Variants in CAST observed in about 807,000 individuals in gnomAD.
The protein encoded by CAST is MIR583 host.
CAST carries 76 observed loss-of-function variants against 119.6 expected under a neutral mutation model. That is an observed-to-expected ratio of 0.64 (90% CI 0.53 to 0.77). CAST has a LOEUF of 0.77. Ranked by LOEUF, CAST falls within the 30% of genes least tolerant of loss-of-function variation. The probability of loss-of-function intolerance (pLI) is 0.00; values close to 1 mark genes in which losing one functional copy is unlikely to be tolerated. For missense variants in CAST, 953 were observed against 946.5 expected (o/e 1.01, Z -0.09); for synonymous variants, 319 against 331.6 (o/e 0.96, Z 0.41).
chr5:96,565,366 C>T (rs1270244662), intron 1 of CAST, among the ~76,000 whole-genome samples: 1 of 152,080 alleles, frequency 6.6e-6, no homozygotes, highest in Non-Finnish European at 1.5e-5. Flanking sequence ...CGAAACATCA[C>T]ATTGTACCCA....
chr5:96,283,835 T>C, the CAST span, among the ~76,000 whole-genome samples: 2 of 152,248 alleles, frequency 1.3e-5, no homozygotes, highest in East Asian at 3.8e-4. Context: ...CTTTCTCAAA[T>C]GACTTCACAA....
chr5:96,190,875 C>T, the CAST span, among the ~76,000 whole-genome samples: 2 of 152,010 alleles, frequency 1.3e-5, no homozygotes, highest in Non-Finnish European at 2.9e-5. Context: ...AACCCTTGTC[C>T]CTTCCTTCCT....
intron 1 of CAST, among the ~76,000 whole-genome samples, chr5:96,563,463 T>TTA (rs1267062549): frequency 3.3e-5 from 5 of 152,138 alleles, no homozygotes; most frequent in Non-Finnish European, 4.4e-5. Flanking sequence ...CCATAAGTGC[T>TTA]TATATATATC....
chr5:96,245,302 A>G, the CAST span, among the ~76,000 whole-genome samples: 1 of 152,348 alleles, frequency 6.6e-6, no homozygotes, highest in East Asian at 1.9e-4. Flanking sequence ...AGCCAGAGAT[A>G]AATAACCACA....
At chr5:96,414,779 T>G in the CAST span, among the ~76,000 whole-genome samples, 1 of 152,236 alleles carries the variant, frequency 6.6e-6, no homozygotes, top group South Asian at 2.1e-4. Context: ...ATTCTTTTAC[T>G]AGCTAATTAC....
the CAST span, among the ~76,000 whole-genome samples, chr5:96,168,543 C>T: frequency 3.3e-5 from 5 of 152,142 alleles, no homozygotes; most frequent in African/African-American, 9.7e-5. Context: ...TGGAGCGGGG[C>T]AGAGCGGTAG....
At chr5:96,554,674 C>G (rs1746199557) in intron 1 of CAST, among the ~76,000 whole-genome samples, 1 of 152,084 alleles carries the variant, frequency 6.6e-6, no homozygotes, top group South Asian at 2.1e-4. Context: ...GGGCTAATAT[C>G]CAGAATCCAT....
intron 1 of CAST, among the ~76,000 whole-genome samples, chr5:96,656,000 G>A (rs929437763): frequency 6.6e-6 from 1 of 152,176 alleles, no homozygotes; most frequent in African/African-American, 2.4e-5. Flanking sequence ...CTAATTTTTA[G>A]TTTTTATTGT....
At chr5:96,217,204 A>AT in the CAST span, among the ~76,000 whole-genome samples, 527 of 97,016 alleles carry the variant, frequency 5.4e-3, 8 homozygotes, top group South Asian at 0.015. Flanking sequence ...ATGCTAGCTA[A>AT]TTTTTTTTTT....
At chr5:96,457,383 T>C in the CAST span, among the ~76,000 whole-genome samples, 1 of 152,192 alleles carries the variant, frequency 6.6e-6, no homozygotes, top group Admixed American at 6.5e-5. Flanking sequence ...TAATCCTCTT[T>C]AAAAAGGAGC....
At chr5:96,419,310 G>GAT in the CAST span, among the ~76,000 whole-genome samples, 4,326 of 142,132 alleles carry the variant, frequency 0.03, 158 homozygotes, top group African/African-American at 0.089. Flanking sequence ...TATTAAGTGA[G>GAT]ATATATATAT....
chr5:96,431,051 T>A, the CAST span, among the ~76,000 whole-genome samples: 1 of 152,198 alleles, frequency 6.6e-6, no homozygotes, highest in South Asian at 2.1e-4. Context: ...CGGTTACCAG[T>A]GCTATTTAGC....
chr5:96,459,342 T>C, the CAST span, among the ~76,000 whole-genome samples: 1 of 152,140 alleles, frequency 6.6e-6, no homozygotes, highest in Non-Finnish European at 1.5e-5. Context: ...TATATTGTAA[T>C]GTAGATCTCA....
the CAST span, among the ~76,000 whole-genome samples, chr5:96,081,691 G>A: frequency 6.6e-6 from 1 of 152,162 alleles, no homozygotes; most frequent in Non-Finnish European, 1.5e-5. Flanking sequence ...CAGAGAGATA[G>A]AGGGATCCCA....
chr5:96,507,151 C>T, the CAST span, among the ~76,000 whole-genome samples: 1 of 152,086 alleles, frequency 6.6e-6, no homozygotes, highest in Non-Finnish European at 1.5e-5. Flanking sequence ...CTCAAGTCAG[C>T]ACCCTCGGAA....
At chr5:96,655,401 C>A (rs973939940) in intron 1 of CAST, among the ~76,000 whole-genome samples, 2 of 152,178 alleles carry the variant, frequency 1.3e-5, no homozygotes, top group Non-Finnish European at 2.9e-5. Context: ...TAGACCCAGG[C>A]AAAGAGAAGC....
the CAST span, among the ~76,000 whole-genome samples, chr5:96,428,663 A>G: frequency 6.6e-6 from 1 of 152,214 alleles, no homozygotes; most frequent in East Asian, 1.9e-4. Context: ...CATTTGCCTC[A>G]TGAAGACATG....
chr5:96,657,388 T>C (rs1748179152), upstream of CAST, among the ~76,000 whole-genome samples: 1 of 152,124 alleles, frequency 6.6e-6, no homozygotes, highest in African/African-American at 2.4e-5. Flanking sequence ...TACCTATTAA[T>C]GGACAAAAGA....
chr5:96,612,436 G>A (rs1194732309), intron 1 of CAST, among the ~76,000 whole-genome samples: 1 of 152,108 alleles, frequency 6.6e-6, no homozygotes, highest in African/African-American at 2.4e-5. Context: ...AAACAGGGAG[G>A]GAGGAAAGAG....
Sources: allele counts gnomAD v4.1 joint callset (sites outside exome capture counted in the v4.1 genomes callset), GRCh38; gene constraint gnomAD v4.1.1; transcripts MANE v1.5; gene names NCBI Gene and HGNC (gene_info 2026-07-23, HGNC 2026-07-21).